TTLL9: variants seen among roughly 807,000 people sequenced by gnomAD.
The protein encoded by TTLL9 is probable tubulin polyglutamylase TTLL9.
TTLL9 carries 47 observed loss-of-function variants against 65.6 expected under a neutral mutation model. The ratio of observed to expected loss-of-function variants is 0.72; its 90% CI spans 0.57 to 0.91. The LOEUF is 0.91. Among genes scored for constraint, TTLL9 ranks in the 40% least tolerant of loss-of-function variants. The pLI is 0.00. For missense variants in TTLL9, 537 were observed against 568.8 expected (o/e 0.94, Z 0.57); for synonymous variants, 179 against 204.8 (o/e 0.87, Z 1.07).
At chr20:31,893,917 C>G (rs759448171) in intron 3 of TTLL9, among the ~76,000 whole-genome samples, 1 of 152,006 alleles carries the variant, frequency 6.6e-6, no homozygotes, top group African/African-American at 2.4e-5. Context: ...TATTATCTCA[C>G]GAGTCACTGA....
At chr20:31,898,619 G>T in intron 4 of TTLL9, 54 bp downstream of exon 4, 1 of 1,533,640 alleles carries the variant, frequency 6.5e-7, no homozygotes, top group South Asian at 1.1e-5. Context: ...ACAGGTCCTT[G>T]TCTTCCTTTG....
rs114544547 is a variant in TTLL9 at position 31,897,032 on chromosome 20, T to A, written c.114-1441T>A. ...TTTGGTTTTGATATCAGGTTAATAC[T>A]AGCTTGGCAAAATGAATTAGGAAAT... On this transcript the variant is annotated intron_variant, in intron 3 of 14. Transcript: ENST00000535842. 3.8e-3 allele frequency among the ~76,000 whole-genome samples: 576 copies of A among 152,366 alleles called. 5 individuals carry two copies. Among genetic ancestry groups the A allele is most frequent in the African/African-American group, 0.013 (544 of 41,590 alleles).
At chr20:31,876,662 C>A (rs2063042342) in intron 2 of TTLL9, among the ~76,000 whole-genome samples, 1 of 152,060 alleles carries the variant, frequency 6.6e-6, no homozygotes. Flanking sequence ...AGATGTGGGC[C>A]TATAAGATAT....
At chr20:31,927,473 T>A (rs1168998402) in intron 10 of TTLL9, among the ~76,000 whole-genome samples, 1 of 89,178 alleles carries the variant, frequency 1.1e-5, no homozygotes. Flanking sequence ...AAAATAAGAC[T>A]CTGTCTCAAA....
chr20:31,872,690 C>CA (rs2062955232), intron 2 of TTLL9, among the ~76,000 whole-genome samples: 1 of 151,516 alleles, frequency 6.6e-6, no homozygotes, highest in African/African-American at 2.4e-5. Flanking sequence ...GACCTTGTCT[C>CA]AAAAAAATAA....
chr20:31,879,482 T>G (rs890483787), intron 2 of TTLL9: 4 of 201,672 alleles, frequency 2.0e-5, no homozygotes, highest in African/African-American at 7.0e-5. Context: ...ACTGACCAGG[T>G]GACTTAGTGA....
intron 8 of TTLL9, among the ~76,000 whole-genome samples, chr20:31,923,406 G>A (rs748149319): frequency 2.6e-5 from 4 of 152,180 alleles, no homozygotes; most frequent in Non-Finnish European, 2.9e-5. Context: ...CCTGTGATGA[G>A]CAGGCTGCAA....
At chr20:31,887,597 TC>T (rs2063211531) in intron 3 of TTLL9, among the ~76,000 whole-genome samples, 1 of 152,186 alleles carries the variant, frequency 6.6e-6, no homozygotes, top group Non-Finnish European at 1.5e-5. Context: ...CTTTGGTCTC[TC>T]CTGCCTCCTT....
intron 6 of TTLL9, among the ~76,000 whole-genome samples, chr20:31,913,106 G>A (rs2063681072): frequency 6.6e-6 from 1 of 150,484 alleles, no homozygotes; most frequent in Non-Finnish European, 1.5e-5. Context: ...GCTGCAGTGA[G>A]CCGAGATCAT....
At chr20:31,875,247 T>C (rs1318693972) in intron 2 of TTLL9, among the ~76,000 whole-genome samples, 1 of 152,158 alleles carries the variant, frequency 6.6e-6, no homozygotes, top group Non-Finnish European at 1.5e-5. Context: ...AAACCCTCTG[T>C]AGGTCTGTAG....
In TTLL9 at chr20:31,944,383, G is replaced by A. The variant is rs1452363769; in HGVS notation, c.*1362G>A. 6.4e-6 allele frequency: 1 copy of A among 156,212 alleles called. No homozygotes were observed. Among genetic ancestry groups the A allele is most frequent in the Middle Eastern group, 3.1e-3 (1 of 318 alleles). 9.7% of individuals were successfully genotyped at this position (156,212 alleles called of 1,614,324 possible). A position where few individuals can be genotyped will look rare whatever the true frequency, so the allele number is the denominator to read the frequency against. On this transcript the variant is annotated 3_prime_UTR_variant, in exon 15 of 15. Transcript: ENST00000535842. ...CTACTTTATTTACATTTTAAAATAA[G>A]CAATATATTCATACGGTTTAAAATC...
intron 14 of TTLL9, chr20:31,939,495 G>T (rs959323956): frequency 5.1e-4 from 198 of 385,340 alleles, no homozygotes; most frequent in Middle Eastern, 4.5e-3. Flanking sequence ...ACTCATTGTA[G>T]AATATTTGAA....
At chr20:31,886,963 A>T (rs1354981534) in intron 2 of TTLL9, among the ~76,000 whole-genome samples, 1 of 152,252 alleles carries the variant, frequency 6.6e-6, no homozygotes, top group African/African-American at 2.4e-5. Context: ...GCAAACCTGC[A>T]GTAAGGTGGT....
chr20:31,933,820 G>T lies in TTLL9; in HGVS notation c.769G>T (p.Ala257Ser). ...RRQDVHLTNV[A>S]VQKTSPDYHP... ...CCCAGATGTTCACCTCACCAACGTG[G>T]CTGTGCAAAAAACATCTCCCGACTA... Residue 257 changes from alanine (A) to serine (S), a missense_variant, in exon 11 of 15, where the codon GCT becomes TCT. By Grantham distance (99) the Ala-to-Ser change is moderately conservative. Around this residue, in one of 3 missense-constraint regions of TTLL9, gnomAD observed 12 missense variants for 32.0 expected, o/e 0.37. Coordinates refer to ENST00000535842, the MANE Select transcript of TTLL9 (RefSeq NM_001008409.5). The T allele has an allele frequency of 1.2e-6, 2 of 1,614,062 alleles. No individual in the cohort carries two copies. Among genetic ancestry groups the T allele is most frequent in the Non-Finnish European group, 1.7e-6 (2 of 1,179,944 alleles).
At chr20:31,909,707 T>C in intron 5 of TTLL9, 30 bp from the exon 6 acceptor site, 1 of 1,606,850 alleles carries the variant, frequency 6.2e-7, no homozygotes, top group Non-Finnish European at 8.5e-7. Flanking sequence ...GAGCAGGAGC[T>C]AATGGCCGCC....
chr20:31,940,784 T>C (rs1206007080), intron 14 of TTLL9: 1 of 152,162 alleles, frequency 6.6e-6, no homozygotes, highest in African/African-American at 2.4e-5. Flanking sequence ...CCTGGCTTCT[T>C]CACGTGGTAG....
chr20:31,912,464 C>A (rs2063669873), intron 6 of TTLL9, among the ~76,000 whole-genome samples: 1 of 152,156 alleles, frequency 6.6e-6, no homozygotes. Context: ...CTTGTTCAAG[C>A]ATCCCACCCA....
chr20:31,883,756 C>T (rs1021653464), intron 2 of TTLL9, among the ~76,000 whole-genome samples: 8 of 151,310 alleles, frequency 5.3e-5, no homozygotes, highest in African/African-American at 1.9e-4. Flanking sequence ...TCATGATAAA[C>T]CCTCAGAAAA....
At chr20:31,904,965 C>A (rs1052188070) in intron 4 of TTLL9, among the ~76,000 whole-genome samples, 2 of 152,208 alleles carry the variant, frequency 1.3e-5, no homozygotes, top group South Asian at 2.1e-4. Context: ...TGGCTTGGTA[C>A]AAACATCAGG....
Sources: allele counts gnomAD v4.1 joint callset (sites outside exome capture counted in the v4.1 genomes callset), GRCh38; gene constraint gnomAD v4.1.1; regional missense constraint gnomAD v4.1.1; transcripts MANE v1.5; gene names NCBI Gene and HGNC (gene_info 2026-07-23, HGNC 2026-07-21).